The following NALF1 variants were observed in gnomAD, a reference collection of about 807,000 sequenced individuals.
NALF1 encodes the protein NALCN channel auxiliary factor 1.
In NALF1, 3 loss-of-function variants were observed where a neutral mutation model predicts 48.4. The observed-to-expected ratio is 0.06, with a 90% confidence interval of 0.03 to 0.16. The LOEUF (loss-of-function observed/expected upper bound fraction) is 0.16. Ranked by LOEUF, NALF1 falls within the 10% of genes least tolerant of loss-of-function variation. The pLI is 1.00. For missense variants in NALF1, 526 were observed against 571.5 expected (o/e 0.92, Z 0.81); for synonymous variants, 262 against 245.7 (o/e 1.07, Z -0.62).
intron 1 of NALF1, among the ~76,000 whole-genome samples, chr13:107,285,339 G>C (rs758400830): frequency 2.0e-5 from 3 of 152,222 alleles, no homozygotes; most frequent in South Asian, 2.1e-4. Context: ...GAGGAAATGA[G>C]AAATATTCAA....
intron 1 of NALF1, among the ~76,000 whole-genome samples, chr13:107,385,243 C>A (rs966400464): frequency 6.6e-6 from 1 of 151,990 alleles, no homozygotes; most frequent in Non-Finnish European, 1.5e-5. Flanking sequence ...TAAATAAAAA[C>A]GTCTTCAATT....
Position 107,672,181 on chromosome 13 carries a change from C to T in NALF1, c.915+193501G>A, listed in dbSNP as rs1191823043. On this transcript the variant is annotated intron_variant, in intron 1 of 2. Transcript: ENST00000375915. ...AACCAGCTATGAAGCATCTTTAAGC[C>T]TATTATCCAATCCACTTCTCTCCAA... Among the ~76,000 whole-genome samples, 4 of 152,280 alleles carry T rather than the reference C, an allele frequency of 2.6e-5. No homozygotes were observed. In the East Asian group the frequency reaches 5.8e-4, roughly 22 times the overall value.
chr13:107,799,742 AAGATTAGGTCAGTGGATGAAAGCAAAAG>A (rs1413554427), intron 1 of NALF1, among the ~76,000 whole-genome samples: 8 of 152,318 alleles, frequency 5.3e-5, no homozygotes, highest in African/African-American at 1.9e-4. Context: ...AAAGTGTGTT[AAGATTAGGTCAGTGGATGAAAGCAAAAG>A]AGCAACCTCG....
chr13:107,578,525 C>T (rs1878215956), intron 1 of NALF1, among the ~76,000 whole-genome samples: 1 of 152,030 alleles, frequency 6.6e-6, no homozygotes, highest in Admixed American at 6.6e-5. Context: ...CTTTTATATC[C>T]TCTACCACAA....
intron 1 of NALF1, among the ~76,000 whole-genome samples, chr13:107,307,330 G>A (rs191932304): frequency 1.6e-4 from 25 of 152,170 alleles, no homozygotes; most frequent in African/African-American, 5.1e-4. Context: ...GAGAACAGAG[G>A]GAAAGAGGAA....
intron 1 of NALF1, among the ~76,000 whole-genome samples, chr13:107,718,710 T>G (rs1272799110): frequency 6.6e-6 from 1 of 152,172 alleles, no homozygotes; most frequent in Non-Finnish European, 1.5e-5. Context: ...ATGGACTTAC[T>G]CAACAAATAC....
chr13:107,817,933 G>T (rs77741808), intron 1 of NALF1, among the ~76,000 whole-genome samples: 1 of 152,130 alleles, frequency 6.6e-6, no homozygotes, highest in Admixed American at 6.5e-5. Flanking sequence ...AAGATTTATT[G>T]TTAGATGCCT....
At chr13:107,781,291 C>T (rs996380138) in intron 1 of NALF1, among the ~76,000 whole-genome samples, 1 of 152,142 alleles carries the variant, frequency 6.6e-6, no homozygotes, top group East Asian at 1.9e-4. Flanking sequence ...AAAGGTAAAA[C>T]AGGGTGCTAT....
At chr13:107,499,376 A>G (rs1369752067) in intron 1 of NALF1, among the ~76,000 whole-genome samples, 1 of 151,964 alleles carries the variant, frequency 6.6e-6, no homozygotes, top group Non-Finnish European at 1.5e-5. Context: ...AAAGGGTCTC[A>G]CTCTGTCACC....
At chr13:107,367,951 T>A (rs1473302556) in intron 1 of NALF1, among the ~76,000 whole-genome samples, 1 of 152,184 alleles carries the variant, frequency 6.6e-6, no homozygotes, top group East Asian at 1.9e-4. Flanking sequence ...GCAAACATAC[T>A]GAGCATTGTG....
chr13:107,355,304 G>T (rs1303616651), intron 1 of NALF1, among the ~76,000 whole-genome samples: 1 of 152,156 alleles, frequency 6.6e-6, no homozygotes, highest in Non-Finnish European at 1.5e-5. Context: ...AGGGAGGAGG[G>T]CAATGAATTA....
intron 1 of NALF1, among the ~76,000 whole-genome samples, chr13:107,859,617 G>C (rs1212727577): frequency 6.6e-6 from 1 of 152,110 alleles, no homozygotes; most frequent in Non-Finnish European, 1.5e-5. Flanking sequence ...TAAAGAATCA[G>C]AGTAGGCGGG....
At chr13:107,418,948 G>A (rs1375101004) in intron 1 of NALF1, among the ~76,000 whole-genome samples, 3 of 152,270 alleles carry the variant, frequency 2.0e-5, no homozygotes, top group South Asian at 2.1e-4. Flanking sequence ...ACCTGAGACG[G>A]AGAAGAAAAG....
intron 1 of NALF1, among the ~76,000 whole-genome samples, chr13:107,654,967 C>T (rs998914007): frequency 6.6e-6 from 1 of 152,046 alleles, no homozygotes; most frequent in East Asian, 1.9e-4. Context: ...GATTAAAACC[C>T]TCAGCCAAAT....
intron 1 of NALF1, among the ~76,000 whole-genome samples, chr13:107,405,181 C>T (rs1883877815): frequency 1.3e-5 from 2 of 152,000 alleles, no homozygotes; most frequent in South Asian, 2.1e-4. Context: ...AAAATTGAGG[C>T]ACCATGTCTG....
intron 1 of NALF1, among the ~76,000 whole-genome samples, chr13:107,325,853 C>CATATATATATATAT (rs1385871427): frequency 6.0e-5 from 3 of 49,984 alleles, no homozygotes; most frequent in East Asian, 7.3e-4. Context: ...CACACACACA[C>CATATATATATATAT]ACATATATAT....
chr13:107,625,170 T>C (rs1240714259), intron 1 of NALF1, among the ~76,000 whole-genome samples: 1 of 152,128 alleles, frequency 6.6e-6, no homozygotes, highest in Admixed American at 6.6e-5. Context: ...ACCTGATAAT[T>C]TGATCTTAGC....
Position 107,234,282 on chromosome 13 carries a change from C to T in NALF1, c.916-23527G>A, listed in dbSNP as rs75595901. ...ATCAAGTGGAAAGGGCAACTTTCCC[C>T]GGGGCTTAGGTGAGCCCCTCTTTCA... On this transcript the variant is annotated intron_variant, in intron 1 of 2. Coordinates refer to ENST00000375915, the MANE Select transcript of NALF1 (RefSeq NM_001080396.3). Among the ~76,000 whole-genome samples, 678 of 152,264 alleles carry T rather than the reference C, an allele frequency of 4.5e-3. 7 individuals carry two copies. Among genetic ancestry groups the T allele is most frequent in the African/African-American group, 0.015 (610 of 41,546 alleles).
In NALF1 at chr13:107,469,653, TTA is replaced by T. The variant is rs1491572566; in HGVS notation, c.916-258900_916-258899del. 2.6e-5 allele frequency among the ~76,000 whole-genome samples: 4 copies of T among 152,038 alleles called. No homozygotes were observed. In the East Asian group the frequency reaches 7.7e-4, roughly 29 times the overall value. ...GACACACTGTATGTTTAAGTTTTTT[TTA>T]TGTTTTAATATTTTTTATCTGTAGT... On this transcript the variant is annotated intron_variant, in intron 1 of 2. Transcript: ENST00000375915.
Sources: gnomAD v4.1 joint callset for allele counts (sites outside exome capture counted in the v4.1 genomes callset) on GRCh38, gnomAD v4.1.1 for gene constraint, MANE v1.5 for transcripts, NCBI Gene and HGNC (gene_info 2026-07-23, HGNC 2026-07-21) for gene names.